The following DNM1 variants were observed in gnomAD, a reference collection of about 807,000 sequenced individuals.
DNM1 encodes the protein dynamin 1, also known as dynamin-1.
Under a neutral mutation model 104.6 loss-of-function variants are expected in DNM1, and 29 were observed. The ratio of observed to expected loss-of-function variants is 0.28; its 90% confidence interval spans 0.21 to 0.38. The LOEUF (loss-of-function observed/expected upper bound fraction) is 0.38, where lower values mean the gene tolerates loss of function less well. Among genes scored for constraint, DNM1 ranks in the 10% least tolerant of loss-of-function variants. The pLI, the probability that DNM1 is intolerant of heterozygous loss-of-function variation, is 1.00. For synonymous variants in DNM1, 445 were observed against 475.8 expected, an observed-to-expected ratio of 0.94 and a Z score of 0.84; for missense variants, 640 against 1,189.4, an observed-to-expected ratio of 0.54 and a Z score of 6.79.
At chr9:128,221,871 G>A (rs1835043340) in intron 6 of DNM1, among the ~76,000 whole-genome samples, 1 of 152,146 alleles carries the variant, frequency 6.6e-6, no homozygotes, top group Non-Finnish European at 1.5e-5. Context: ...TTGCACTCCA[G>A]CCTGGGTGAC....
intron 15 of DNM1, chr9:128,244,809 A>G (rs771218946): frequency 9.4e-6 from 5 of 533,974 alleles, no homozygotes; most frequent in South Asian, 4.2e-5. Flanking sequence ...CACTGGGTAG[A>G]CGGAGTGGAG....
In DNM1 at chr9:128,244,839, G is replaced by A. The variant is rs551643583; in HGVS notation, c.1672-1555G>A. 4 of 528,826 alleles carry A rather than the reference G, an allele frequency of 7.6e-6. No homozygotes were observed. The African/African-American group carries it at 7.7e-5, about 10-fold the overall frequency. The allele number at this position is 528,826 out of a possible 1,614,324, so 32.8% of individuals were successfully genotyped here. On this transcript the variant is annotated intron_variant, in intron 15 of 21. Transcript: ENST00000372923. The stretch of plus-strand genomic sequence containing the variant: ...GTGGAGGTGTCCTCTGGTCCATCCA[G>A]GCAGCAGTGTCTGTCCATCCGGTGG...
rs140950284 is a variant in DNM1 at position 128,220,742 on chromosome 9, C to CGTGTGTGTGTGTGTGTGTGTGTGT, written c.849+404_849+427dup. Among the ~76,000 whole-genome samples the CGTGTGTGTGTGTGTGTGTGTGTGT allele has an allele frequency of 7.3e-6, 1 of 136,278 alleles. No individual in the cohort carries two copies. Among genetic ancestry groups the CGTGTGTGTGTGTGTGTGTGTGTGT allele is most frequent in the African/African-American group, 2.7e-5 (1 of 37,720 alleles). The allele number at this position is 136,278 out of a possible 152,430, so 89.4% of individuals were successfully genotyped here. Reference sequence around the variant, plus strand: ...CAGAACTGAAGTGCGCGCGCGCGCGCGTGTGTGTGTGTGTGTGTGTGTGTG... The same window carrying CGTGTGTGTGTGTGTGTGTGTGTGT: ...CAGAACTGAAGTGCGCGCGCGCGCGCGTGTGTGTGTGTGTGTGTGTGTGTGTGTGTGTGTGTGTGTGTGTGTGTG... On this transcript the variant is annotated intron_variant, in intron 6 of 21. Coordinates refer to ENST00000372923, the MANE Select transcript of DNM1 (RefSeq NM_004408.4). The surrounding 1 kb of genome is among the most constrained non-coding windows in gnomAD (Gnocchi z 5.2).
Position 128,247,969 on chromosome 9 carries a change from A to G in DNM1, c.1905+34A>G. 6.2e-7 allele frequency: 1 copy of G among 1,613,704 alleles called. No individual in the cohort carries two copies. The highest frequency in any genetic ancestry group is 1.1e-5 in the South Asian group (1 of 91,072). On this transcript the variant is annotated intron_variant, in intron 18 of 21. Transcript: ENST00000372923. The surrounding 1 kb of genome is among the most constrained non-coding windows in gnomAD (Gnocchi z 5.1). ...GCCCTTCTCTTGCCTCCTGCCAGGCATCTGCAGCCTGGCACCAGCTCCAGC... is the reference window on the plus strand; with the variant it reads ...GCCCTTCTCTTGCCTCCTGCCAGGCGTCTGCAGCCTGGCACCAGCTCCAGC...
At position 128,203,414 on chromosome 9, in the gene DNM1, TC is replaced by T. The variant is rs2131060340; in HGVS notation, c.-56del. The T allele has an allele frequency of 7.3e-7, 1 of 1,361,452 alleles. No individual in the cohort carries two copies. Among genetic ancestry groups the T allele is most frequent in the East Asian group, 3.2e-5 (1 of 31,048 alleles). 84.3% of individuals were successfully genotyped at this position (1,361,452 alleles called of 1,614,324 possible). A position where few individuals can be genotyped will look rare whatever the true frequency, so the allele number is the denominator to read the frequency against. On this transcript the variant is annotated 5_prime_UTR_variant, in exon 1 of 22. Coordinates refer to ENST00000372923, the MANE Select transcript of DNM1 (RefSeq NM_004408.4). This position sits in a 1 kb window ranked among gnomAD's most constrained non-coding sequence, Gnocchi z 5.3. ...CGCGGCTGCAGCGGCGGAGCCGGAG[TC>T]GGAGCCGGGAGCGCTAGCGGCAGCC...
chr9:128,240,064 T>G lies in DNM1; in HGVS notation c.1557+68T>G, dbSNP rs1836270647. 1 of 1,581,464 alleles carries G rather than the reference T, an allele frequency of 6.3e-7. No homozygotes were observed. Among genetic ancestry groups the G allele is most frequent in the African/African-American group, 1.3e-5 (1 of 74,172 alleles). Reference sequence around the variant, plus strand: ...GCGGAGGGTCCATCGGCAGTGGGGATCTGCAACGGGTAGGAGGGCACCCTT... The same window carrying G: ...GCGGAGGGTCCATCGGCAGTGGGGAGCTGCAACGGGTAGGAGGGCACCCTT... On this transcript the variant is annotated intron_variant, in intron 14 of 21. Coordinates refer to ENST00000372923, the MANE Select transcript of DNM1 (RefSeq NM_004408.4). This position sits in a 1 kb window ranked among gnomAD's most constrained non-coding sequence, Gnocchi z 5.1.
At chr9:128,223,612 C>G (rs1023399126) in intron 9 of DNM1, 7 of 152,262 alleles carry the variant, frequency 4.6e-5, no homozygotes, top group African/African-American at 1.4e-4. Context: ...ACAAAACACT[C>G]TATTCCTGGA....
Position 128,253,965 on chromosome 9 carries a change from C to G in DNM1, c.2535-689C>G. 3 of 1,233,674 alleles carry G rather than the reference C, an allele frequency of 2.4e-6. No homozygotes were observed. The highest frequency in any genetic ancestry group is 3.0e-6 in the Non-Finnish European group (3 of 989,162). 76.4% of individuals were successfully genotyped at this position (1,233,674 alleles called of 1,614,324 possible). The stretch of plus-strand genomic sequence containing the variant: ...AGCTCCGCCCAGTGAGCCCACCCCC[C>G]ATTCTCCTGCCACTGACTCTCGCTC... On this transcript the variant is annotated intron_variant, in intron 21 of 21. Transcript: ENST00000372923. The surrounding 1 kb of genome is among the most constrained non-coding windows in gnomAD (Gnocchi z 5.9).
In DNM1 at chr9:128,242,146, G is replaced by T. The variant is rs554747323; in HGVS notation, c.1558-86G>T. 2.2e-5 allele frequency: 17 copies of T among 780,828 alleles called. No homozygotes were observed. In the East Asian group the frequency reaches 3.7e-4, roughly 17 times the overall value. The allele number at this position is 780,828 out of a possible 1,614,324, so 48.4% of individuals were successfully genotyped here. ...CTCAGAGAGCTGGGAGAGGGGTGGG[G>T]TTTCGAATGCCTCTCTTTGCCTACC... On this transcript the variant is annotated intron_variant, in intron 14 of 21. Coordinates refer to ENST00000372923, the MANE Select transcript of DNM1 (RefSeq NM_004408.4).
Position 128,218,309 on chromosome 9 carries a change from G to A in DNM1, c.235+5G>A, listed in dbSNP as rs375697012. On this transcript the variant is annotated splice_donor_5th_base_variant and intron_variant, in intron 2 of 21. Transcript: ENST00000372923. The surrounding 1 kb of genome is among the most constrained non-coding windows in gnomAD (Gnocchi z 4.8). ...AGCTGGTCAATGCAACCACAGGTAC[G>A]TGCCCTCCTTCACCAGCAGCCAGGC... 2 of 1,613,936 alleles carry A rather than the reference G, an allele frequency of 1.2e-6. No homozygotes were observed. The highest frequency in any genetic ancestry group is 8.5e-7 in the Non-Finnish European group (1 of 1,179,968).
rs1198032975 is a variant in DNM1, at chr9:128,253,066, G to A, written c.2535-1588G>A. ...CCCCAGGCCGGCCCCACCCGTGCGT[G>A]TGAACTGCCATGTTGATTTCGTGCT... On this transcript the variant is annotated intron_variant, in intron 21 of 21. Coordinates refer to ENST00000372923, the MANE Select transcript of DNM1 (RefSeq NM_004408.4). The surrounding 1 kb of genome is among the most constrained non-coding windows in gnomAD (Gnocchi z 5.9). 1.2e-6 allele frequency: 2 copies of A among 1,611,178 alleles called. No individual in the cohort carries two copies. Among genetic ancestry groups the A allele is most frequent in the South Asian group, 2.2e-5 (2 of 91,040 alleles).
At chr9:128,219,282 A>G in intron 4 of DNM1, 30 bp downstream of exon 4, 1 of 1,589,854 alleles carries the variant, frequency 6.3e-7, no homozygotes, top group Non-Finnish European at 8.6e-7. Context: ...CCAATGCACA[A>G]AACCCCAGGC....
intron 10 of DNM1, among the ~76,000 whole-genome samples, chr9:128,225,209 C>T (rs1397994512): frequency 6.6e-6 from 1 of 152,214 alleles, no homozygotes; most frequent in Admixed American, 6.5e-5. Flanking sequence ...CTCCAGCCTC[C>T]CTTCCTTTCC....
At chr9:128,238,761 T>C (rs919158969) in intron 11 of DNM1, among the ~76,000 whole-genome samples, 1 of 151,270 alleles carries the variant, frequency 6.6e-6, no homozygotes, top group African/African-American at 2.4e-5. Context: ...GCTCACACCA[T>C]TCTCCTGCCT....
intron 10 of DNM1, among the ~76,000 whole-genome samples, chr9:128,225,235 C>T (rs1835269867): frequency 1.3e-5 from 2 of 152,216 alleles, no homozygotes; most frequent in African/African-American, 2.4e-5. Context: ...CCACTGCTGT[C>T]CCGGCCCCTC....
chr9:128,209,190 C>G (rs539151330), intron 1 of DNM1, among the ~76,000 whole-genome samples: 1 of 152,190 alleles, frequency 6.6e-6, no homozygotes, highest in South Asian at 2.1e-4. Context: ...GTGGAGCACA[C>G]CCCTGGGGCT....
Position 128,253,100 on chromosome 9 carries a change from G to T in DNM1, c.2535-1554G>T. ...CATGTTGATTTCGTGCTGTCTTTCAGAATCACTATCAGTGACCCCTGAGGA... is the reference window on the plus strand; with the variant it reads ...CATGTTGATTTCGTGCTGTCTTTCATAATCACTATCAGTGACCCCTGAGGA... On this transcript the variant is annotated intron_variant, in intron 21 of 21. Transcript: ENST00000372923. This position sits in a 1 kb window ranked among gnomAD's most constrained non-coding sequence, Gnocchi z 5.9. The T allele has an allele frequency of 3.1e-6, 5 of 1,610,652 alleles. No homozygotes were observed. Among genetic ancestry groups the T allele is most frequent in the Non-Finnish European group, 3.4e-6 (4 of 1,179,980 alleles).
rs1367423217 is a variant in DNM1 at position 128,218,593 on chromosome 9, T to C, written c.247T>C (p.Phe83Leu). 1 of 1,611,948 alleles carries C rather than the reference T, an allele frequency of 6.2e-7. No homozygotes were observed. ...CGCTTCTGGAGCAGAATATGCCGAG[T>C]TCCTGCACTGCAAGGGAAAGAAATT... is the stretch of plus-strand genomic sequence containing the variant. ...LVNATTEYAEFLHCKGKKFTD... is the reference protein window; with the variant it reads ...LVNATTEYAELLHCKGKKFTD... Residue 83 changes from phenylalanine (F) to leucine (L), a missense_variant, in exon 3 of 22, where the codon TTC becomes CTC. Coordinates refer to ENST00000372923, the MANE Select transcript of DNM1 (RefSeq NM_004408.4). The surrounding 1 kb of genome is among the most constrained non-coding windows in gnomAD (Gnocchi z 4.8).
rs751741699 is a variant in DNM1 at position 128,203,518 on chromosome 9, G to A, written c.48G>A (p.Leu16=). 2.6e-6 allele frequency: 4 copies of A among 1,541,616 alleles called. No homozygotes were observed. The South Asian group carries it at 4.8e-5, about 18-fold the overall frequency. Reference sequence around the variant, plus strand: ...ATCTCATCCCGCTGGTCAACCGGCTGCAAGACGCCTTCTCTGCCATCGGCC... The same window carrying A: ...ATCTCATCCCGCTGGTCAACCGGCTACAAGACGCCTTCTCTGCCATCGGCC... ...MEDLIPLVNR[L]QDAFSAIGQN... Residue 16 remains leucine (L), a synonymous_variant, in exon 1 of 22, where the codon CTG becomes CTA. Coordinates refer to ENST00000372923, the MANE Select transcript of DNM1 (RefSeq NM_004408.4). The surrounding 1 kb of genome is among the most constrained non-coding windows in gnomAD (Gnocchi z 5.3).
Sources: allele counts gnomAD v4.1 joint callset (sites outside exome capture counted in the v4.1 genomes callset), GRCh38; gene constraint gnomAD v4.1.1; non-coding constraint Gnocchi (gnomAD v3.1); transcripts MANE v1.5; gene names NCBI Gene and HGNC (gene_info 2026-07-23, HGNC 2026-07-21).